GALM: variants seen among roughly 807,000 people sequenced by gnomAD.
GALM encodes the protein aldose 1-epimerase.
GALM carries 43 observed loss-of-function variants against 37.4 expected under a neutral mutation model. That is an observed-to-expected ratio of 1.15 (90% CI 0.90 to 1.48). The LOEUF is 1.48. GALM is among the 40% of genes most tolerant of loss of function. GALM has a pLI of 0.00. For synonymous variants in GALM, 199 were observed against 170.6 expected, an observed-to-expected ratio of 1.17 and a Z score of -1.30; for missense variants, 456 against 419.1, an observed-to-expected ratio of 1.09 and a Z score of -0.77.
intron 5 of GALM, among the ~76,000 whole-genome samples, chr2:38,731,382 GAA>G (rs1476585806): frequency 7.3e-5 from 9 of 122,800 alleles, no homozygotes; most frequent in African/African-American, 2.9e-4. Flanking sequence ...GGGCAATAGA[GAA>G]AGACTCTATT....
chr2:38,728,820 T>G (rs1189703095), intron 4 of GALM, among the ~76,000 whole-genome samples: 1 of 151,926 alleles, frequency 6.6e-6, no homozygotes, highest in South Asian at 2.1e-4. Flanking sequence ...GAAACTGGTA[T>G]TCTCTGTACT....
chr2:38,715,948 C>T (rs959144650), intron 4 of GALM, among the ~76,000 whole-genome samples: 17 of 152,212 alleles, frequency 1.1e-4, no homozygotes, highest in Non-Finnish European at 2.2e-4. Context: ...AGAAGCTAAG[C>T]AGCCTCCACA....
intron 4 of GALM, among the ~76,000 whole-genome samples, chr2:38,713,904 CA>C (rs33924000): frequency 0.76 from 104,391 of 137,908 alleles, 39,015 homozygotes; most frequent in Non-Finnish European, 0.77. Context: ...GACCCTGCTT[CA>C]AAAAAAAAAA....
At chr2:38,690,728 C>A (rs554790873) in intron 4 of GALM, among the ~76,000 whole-genome samples, 1 of 152,146 alleles carries the variant, frequency 6.6e-6, no homozygotes, top group Non-Finnish European at 1.5e-5. Flanking sequence ...CCACTGCGCC[C>A]GGCCACTTTG....
At chr2:38,692,971 G>T (rs1047901805) in intron 4 of GALM, among the ~76,000 whole-genome samples, 1 of 152,146 alleles carries the variant, frequency 6.6e-6, no homozygotes, top group African/African-American at 2.4e-5. Flanking sequence ...GAGTGGATGG[G>T]CCTGGAGAGG....
intron 3 of GALM, among the ~76,000 whole-genome samples, chr2:38,683,488 G>T (rs1424332837): frequency 6.6e-6 from 1 of 152,036 alleles, no homozygotes; most frequent in African/African-American, 2.4e-5. Flanking sequence ...TCGAAATCTG[G>T]AATGCTCCAG....
chr2:38,733,103 C>T (rs1034554884), intron 6 of GALM, among the ~76,000 whole-genome samples: 14 of 151,480 alleles, frequency 9.2e-5, no homozygotes, highest in Admixed American at 7.9e-4. Flanking sequence ...TGCCTGTGAT[C>T]CCAGCTACTC....
At chr2:38,674,305 T>C (rs898986950) in intron 1 of GALM, among the ~76,000 whole-genome samples, 3 of 151,560 alleles carry the variant, frequency 2.0e-5, no homozygotes, top group Non-Finnish European at 4.4e-5. Flanking sequence ...TTCTCCTGCC[T>C]CAGCCTCCCA....
intron 4 of GALM, among the ~76,000 whole-genome samples, chr2:38,691,256 G>A (rs1445732013): frequency 6.6e-6 from 1 of 152,212 alleles, no homozygotes; most frequent in African/African-American, 2.4e-5. Flanking sequence ...GAGTTGATCA[G>A]ATGAAAATCA....
chr2:38,676,324 TCA>T (rs1412181922), intron 2 of GALM, among the ~76,000 whole-genome samples: 1 of 152,172 alleles, frequency 6.6e-6, no homozygotes, highest in Non-Finnish European at 1.5e-5. Context: ...AACAACTTTC[TCA>T]CAGTGTTGAG....
chr2:38,667,774 T>A (rs1664987327), intron 1 of GALM, among the ~76,000 whole-genome samples: 2 of 151,982 alleles, frequency 1.3e-5, no homozygotes, highest in Admixed American at 1.3e-4. Context: ...GAGGCGGAAG[T>A]TGCAGTGAGC....
chr2:38,686,529 G>C (rs892882995), intron 3 of GALM, among the ~76,000 whole-genome samples: 4 of 151,810 alleles, frequency 2.6e-5, no homozygotes, highest in African/African-American at 9.7e-5. Flanking sequence ...CTCCCAAAGT[G>C]CTGGGATTAC....
intron 4 of GALM, among the ~76,000 whole-genome samples, chr2:38,690,437 A>AG (rs1054137759): frequency 7.3e-5 from 11 of 151,294 alleles, no homozygotes; most frequent in Middle Eastern, 3.4e-3. Context: ...CTTTTTTGGG[A>AG]GGGGGGCGGT....
chr2:38,697,398 T>C (rs1665833871), intron 4 of GALM, among the ~76,000 whole-genome samples: 1 of 152,202 alleles, frequency 6.6e-6, no homozygotes, highest in Non-Finnish European at 1.5e-5. Context: ...TTTCATAGTC[T>C]CTCTTTAACT....
intron 4 of GALM, among the ~76,000 whole-genome samples, chr2:38,711,142 A>G (rs1572534845): frequency 6.9e-6 from 1 of 145,330 alleles, no homozygotes; most frequent in Admixed American, 7.0e-5. Context: ...TGGGACTGTC[A>G]CCACCTCATT....
intron 4 of GALM, among the ~76,000 whole-genome samples, chr2:38,705,916 G>C (rs1418690925): frequency 2.6e-5 from 4 of 151,924 alleles, no homozygotes; most frequent in Non-Finnish European, 5.9e-5. Flanking sequence ...CCCCCTCCGG[G>C]TTCAGTGGTC....
intron 5 of GALM, among the ~76,000 whole-genome samples, chr2:38,731,046 T>C (rs1666598103): frequency 6.6e-6 from 1 of 151,730 alleles, no homozygotes; most frequent in Non-Finnish European, 1.5e-5. Context: ...GCCAACATGA[T>C]GAAACCCCGA....
At chr2:38,695,981 G>C (rs1257185445) in intron 4 of GALM, among the ~76,000 whole-genome samples, 1 of 151,954 alleles carries the variant, frequency 6.6e-6, no homozygotes, top group East Asian at 1.9e-4. Flanking sequence ...TTACAGGTGT[G>C]AGCCACCACA....
intron 3 of GALM, among the ~76,000 whole-genome samples, chr2:38,685,299 C>T (rs1053833057): frequency 5.3e-5 from 8 of 152,144 alleles, no homozygotes; most frequent in African/African-American, 1.9e-4. Context: ...TCTGGTCTAG[C>T]ATAGGATAAA....
Sources: gnomAD v4.1 joint callset for allele counts (sites outside exome capture counted in the v4.1 genomes callset) on GRCh38, gnomAD v4.1.1 for gene constraint, MANE v1.5 for transcripts, NCBI Gene and HGNC (gene_info 2026-07-23, HGNC 2026-07-21) for gene names.